Variants in CUX1 observed in about 807,000 individuals in gnomAD.
The protein encoded by CUX1 is cut like homeobox 1.
In CUX1, 31 loss-of-function variants were observed where a neutral mutation model predicts 158.8. The ratio of observed to expected loss-of-function variants is 0.20; its 90% CI spans 0.15 to 0.26. CUX1 has a LOEUF of 0.26. Ranked by LOEUF, CUX1 falls within the 10% of genes least tolerant of loss-of-function variation. The pLI, the probability that CUX1 is intolerant of heterozygous loss-of-function variation, is 1.00. For missense variants in CUX1, 1,589 were observed against 2,014.6 expected (o/e 0.79, Z 4.04); for synonymous variants, 879 against 862.1 (o/e 1.02, Z -0.34).
chr7:102,226,446 C>T (rs1554528613), intron 20 of CUX1, among the ~76,000 whole-genome samples: 1 of 152,154 alleles, frequency 6.6e-6, no homozygotes, highest in African/African-American at 2.4e-5. Context: ...AAAAAAACAG[C>T]TGGGCATGGT....
At chr7:102,110,783 C>T (rs1830806057) in intron 6 of CUX1, among the ~76,000 whole-genome samples, 1 of 152,108 alleles carries the variant, frequency 6.6e-6, no homozygotes, top group Admixed American at 6.5e-5. Flanking sequence ...ACACTTTAGA[C>T]TGTTACATAT....
chr7:102,129,359 G>A (rs1446693199), intron 8 of CUX1, among the ~76,000 whole-genome samples: 4 of 149,410 alleles, frequency 2.7e-5, no homozygotes, highest in Non-Finnish European at 5.9e-5. Flanking sequence ...TTGCACAGCT[G>A]CAAATGCCTT....
At chr7:102,051,197 C>T (rs1207461326) in intron 3 of CUX1, among the ~76,000 whole-genome samples, 4 of 152,146 alleles carry the variant, frequency 2.6e-5, no homozygotes, top group South Asian at 2.1e-4. Flanking sequence ...TGTTTGAACA[C>T]GTCTCTGTGT....
intron 2 of CUX1, among the ~76,000 whole-genome samples, chr7:101,941,265 A>G (rs530523751): frequency 2.0e-5 from 3 of 152,310 alleles, no homozygotes; most frequent in South Asian, 4.1e-4. Context: ...TCTCTGGCCT[A>G]CTTTTTGCCA....
rs1043246045 is a variant in CUX1, at chr7:101,869,636, G to A, written c.31-46479G>A. The stretch of plus-strand genomic sequence containing the variant: ...CAGGCGGCCAGCAGGGCGGGAGGAG[G>A]CGTTGGTGTGCACACGCGGGGAGCC... On this transcript the variant is annotated intron_variant, in intron 1 of 23. Coordinates refer to ENST00000292535, the MANE Select transcript of CUX1 (RefSeq NM_181552.4). The surrounding 1 kb of genome is among the most constrained non-coding windows in gnomAD (Gnocchi z 4.5). 2.0e-5 allele frequency among the ~76,000 whole-genome samples: 3 copies of A among 152,094 alleles called. No individual in the cohort carries two copies. The highest frequency in any genetic ancestry group is 7.2e-5 in the African/African-American group (3 of 41,412).
At position 102,183,203 on chromosome 7, in the gene CUX1, A is replaced by G. The variant is rs376415054; in HGVS notation, c.1017+4546A>G. 2.2e-4 allele frequency among the ~76,000 whole-genome samples: 34 copies of G among 152,294 alleles called. No homozygotes were observed. In the East Asian group the frequency reaches 6.2e-3, roughly 28 times the overall value. ...AATTTTTTGTATTTTTAGTAGAGAC[A>G]GGGTTTCACCATGTTGGCCAGGCTG... is the stretch of plus-strand genomic sequence containing the variant. On this transcript the variant is annotated intron_variant, in intron 11 of 23. Transcript: ENST00000292535.
intron 3 of CUX1, among the ~76,000 whole-genome samples, chr7:102,039,719 G>T (rs1262581564): frequency 6.6e-6 from 1 of 150,862 alleles, no homozygotes; most frequent in Non-Finnish European, 1.5e-5. Context: ...TGCAAACCCT[G>T]CCTGAAGCCC....
intron 2 of CUX1, among the ~76,000 whole-genome samples, chr7:101,976,760 T>C (rs1354890810): frequency 2.0e-5 from 3 of 152,212 alleles, no homozygotes; most frequent in African/African-American, 7.2e-5. Flanking sequence ...GAAAACTCCA[T>C]GTGCCTCTTT....
intron 1 of CUX1, among the ~76,000 whole-genome samples, chr7:101,827,566 C>T (rs1339670203): frequency 6.6e-6 from 1 of 152,122 alleles, no homozygotes; most frequent in Non-Finnish European, 1.5e-5. Flanking sequence ...CTGTCCCAGC[C>T]TCCTAAAGAG....
At chr7:101,846,576 C>T (rs1795712452) in intron 1 of CUX1, among the ~76,000 whole-genome samples, 1 of 152,164 alleles carries the variant, frequency 6.6e-6, no homozygotes, top group African/African-American at 2.4e-5. Context: ...GATTCTCCCA[C>T]CTCAGCTTCC....
At chr7:102,267,585 G>A (rs114984355) in intron 14 of CUX1, among the ~76,000 whole-genome samples, 5,109 of 152,164 alleles carry the variant, frequency 0.034, 104 homozygotes, top group Middle Eastern at 0.095. Context: ...CAGGAAAACC[G>A]TAGGTACAAC....
chr7:102,252,261 A>G lies in CUX1; in HGVS notation c.*3219A>G. On this transcript the variant is annotated 3_prime_UTR_variant, in exon 24 of 24. Coordinates refer to ENST00000292535, the MANE Select transcript of CUX1 (RefSeq NM_181552.4). ...GCACCCCCTCCTGGTTGGGCCCCTC[A>G]GTTGGAGTCTAAGGGTTAATCTCTC... The G allele has an allele frequency of 1.0e-6, 1 of 985,484 alleles. No homozygotes were observed. The highest frequency in any genetic ancestry group is 1.2e-6 in the Non-Finnish European group (1 of 829,964). 61.0% of individuals were successfully genotyped at this position (985,484 alleles called of 1,614,324 possible). A position where few individuals can be genotyped will look rare whatever the true frequency, so the allele number is the denominator to read the frequency against.
At chr7:101,940,738 A>T (rs1807606676) in intron 2 of CUX1, among the ~76,000 whole-genome samples, 2 of 152,022 alleles carry the variant, frequency 1.3e-5, no homozygotes, top group Non-Finnish European at 2.9e-5. Context: ...CACGTTATTG[A>T]TCAGTCCACA....
intron 19 of CUX1, chr7:102,280,759 G>C: frequency 1.9e-6 from 3 of 1,598,792 alleles, no homozygotes; most frequent in Non-Finnish European, 2.6e-6. Flanking sequence ...GCCAGGGCCT[G>C]TGAGGTCCTT....
chr7:101,925,497 T>A (rs1805479603), intron 2 of CUX1, among the ~76,000 whole-genome samples: 1 of 152,196 alleles, frequency 6.6e-6, no homozygotes, highest in Non-Finnish European at 1.5e-5. Context: ...TGAGGTTTCT[T>A]TTTGGAATAT....
chr7:102,060,588 TATATACACACACACAAATAAAC>T (rs1010104202), intron 3 of CUX1, among the ~76,000 whole-genome samples: 2 of 99,402 alleles, frequency 2.0e-5, no homozygotes, highest in African/African-American at 7.1e-5. Context: ...TACATATATA[TATATACACACACACAAATAAAC>T]ACACACACAC....
intron 2 of CUX1, among the ~76,000 whole-genome samples, chr7:101,938,454 T>A (rs1807215226): frequency 6.6e-6 from 1 of 152,150 alleles, no homozygotes. Flanking sequence ...TTCATCCTCA[T>A]CTACTGGCCT....
chr7:102,233,986 G>T, intron 21 of CUX1, 66 bp from the exon 22 acceptor site: 1 of 1,303,134 alleles, frequency 7.7e-7, no homozygotes, highest in Non-Finnish European at 1.0e-6. Context: ...ACCTTGACAC[G>T]TACTTGTCCC....
At chr7:102,260,570 C>CTTTTTTTT (rs55642237), downstream of CUX1, among the ~76,000 whole-genome samples, 1,646 of 51,142 alleles carry the variant, frequency 0.032, 7 homozygotes, top group East Asian at 0.073. Context: ...CCACACCTGG[C>CTTTTTTTT]TTTTTTTTTT....
Sources: allele counts gnomAD v4.1 joint callset (sites outside exome capture counted in the v4.1 genomes callset), GRCh38; gene constraint gnomAD v4.1.1; non-coding constraint Gnocchi (gnomAD v3.1); transcripts MANE v1.5; gene names NCBI Gene and HGNC (gene_info 2026-07-23, HGNC 2026-07-21).